The following ADH1B variants were observed in gnomAD, a reference collection of about 807,000 sequenced individuals.
ADH1B encodes the protein alcohol dehydrogenase 1B (class I), beta polypeptide, also known as all-trans-retinol dehydrogenase [NAD(+)] ADH1B.
ADH1B carries 29 observed loss-of-function variants against 34.6 expected under a neutral mutation model. The ratio of observed to expected loss-of-function variants is 0.84; its 90% CI spans 0.62 to 1.14. The LOEUF is 1.14. ADH1B is among the 50% of genes most tolerant of loss of function. The pLI, the probability that ADH1B is intolerant of heterozygous loss-of-function variation, is 0.00. For synonymous variants in ADH1B, 170 were observed against 175.5 expected, an observed-to-expected ratio of 0.97 and a Z score of 0.25; for missense variants, 424 against 468.4, an observed-to-expected ratio of 0.91 and a Z score of 0.87.
intron 4 of ADH1B, 36 bp downstream of exon 4, chr4:99,316,179 C>T: frequency 6.2e-7 from 1 of 1,614,036 alleles, no homozygotes; most frequent in Non-Finnish European, 8.5e-7. Context: ...AATGTGCAAA[C>T]TCAAAGTCTG....
intron 6 of ADH1B, among the ~76,000 whole-genome samples, chr4:99,312,060 G>GT (rs1375363041): frequency 6.6e-6 from 1 of 151,922 alleles, no homozygotes; most frequent in Non-Finnish European, 1.5e-5. Flanking sequence ...TTTAAACATT[G>GT]TTTTTTTACC....
intron 6 of ADH1B, among the ~76,000 whole-genome samples, chr4:99,312,934 C>T (rs1223830293): frequency 2.6e-5 from 4 of 152,052 alleles, no homozygotes; most frequent in African/African-American, 4.8e-5. Flanking sequence ...ATATCACATG[C>T]GTTGTCTCAT....
In ADH1B at chr4:99,316,010, A is replaced by G; in HGVS notation, c.455T>C (p.Val152Ala). ...TTTGGCCACTGCATTCTCATCCACC[A>G]CCGTGTACTGGGAGAAGGTGCTGGT... ...LGTSTFSQYTVVDENAVAKID... is the reference protein window; with the variant it reads ...LGTSTFSQYTAVDENAVAKID... Residue 152 changes from valine to alanine, a missense_variant, in exon 5 of 9, where the codon GTG becomes GCG. Around this residue, in one of 3 missense-constraint regions of ADH1B, gnomAD observed 291 missense variants for 300.4 expected, o/e 0.97. Transcript: ENST00000305046. The G allele has an allele frequency of 6.2e-7, 1 of 1,614,128 alleles. No individual in the cohort carries two copies. Among genetic ancestry groups the G allele is most frequent in the Non-Finnish European group, 8.5e-7 (1 of 1,180,022 alleles).
chr4:99,315,844 T>C (rs1733867135), intron 5 of ADH1B, 54 bp downstream of exon 5: 1 of 1,600,704 alleles, frequency 6.2e-7, no homozygotes, highest in South Asian at 1.1e-5. Context: ...TGCTTCCCTT[T>C]TGGTTTCCGA....
Position 99,307,563 on chromosome 4 carries a change from A to C in ADH1B, c.*277T>G. On this transcript the variant is annotated 3_prime_UTR_variant, in exon 9 of 9. Transcript: ENST00000305046. ...AGAAGTCACAGGAATATTTTTCCTCAATGGCAAAGGTGACACAGTAGAATG... is the reference window on the plus strand; with the variant it reads ...AGAAGTCACAGGAATATTTTTCCTCCATGGCAAAGGTGACACAGTAGAATG... 1 of 463,926 alleles carries C rather than the reference A, an allele frequency of 2.2e-6. No homozygotes were observed. The highest frequency in any genetic ancestry group is 3.9e-6 in the Non-Finnish European group (1 of 258,544). The allele number at this position is 463,926 out of a possible 1,614,324, so 28.7% of individuals were successfully genotyped here.
In ADH1B at chr4:99,310,853, T is replaced by A. The variant is rs1478192824; in HGVS notation, c.1015A>T (p.Lys339Ter). Residue 339 changes from lysine to a stop codon, truncating the protein, a stop_gained, in exon 8 of 9, where the codon AAG (lysine) becomes TAG (stop). Coordinates refer to ENST00000305046, the MANE Select transcript of ADH1B (RefSeq NM_000668.6). LOFTEE classifies it high-confidence loss of function. The part of the protein sequence containing the change: ...IPKLVADFMA[K>*]KFSLDALITH... ...ATTAACGCATCCAGTGAAAACTTCT[T>A]AGCCATAAAATCAGCCACAAGTTTT... 6.2e-7 allele frequency: 1 copy of A among 1,613,514 alleles called. No individual in the cohort carries two copies. Among genetic ancestry groups the A allele is most frequent in the Non-Finnish European group, 8.5e-7 (1 of 1,179,744 alleles).
In ADH1B at chr4:99,321,351, C is replaced by T. The variant is rs775150373; in HGVS notation, c.-20G>A. On this transcript the variant is annotated 5_prime_UTR_variant, in exon 1 of 9. Coordinates refer to ENST00000305046, the MANE Select transcript of ADH1B (RefSeq NM_000668.6). ...GCTCATGTCGTTTCTGTCTTCTCTGCCCACCAGCAGACTGTGAGTCTTTGT... is the reference window on the plus strand; with the variant it reads ...GCTCATGTCGTTTCTGTCTTCTCTGTCCACCAGCAGACTGTGAGTCTTTGT... The T allele has an allele frequency of 2.2e-5, 35 of 1,610,384 alleles. No homozygotes were observed. The South Asian group carries it at 3.3e-4, about 15-fold the overall frequency.
At position 99,309,181 on chromosome 4, in the gene ADH1B, A is replaced by AGG. The variant is rs1417546341; in HGVS notation, c.1104-1318_1104-1317insCC. Among the ~76,000 whole-genome samples, 277 of 152,206 alleles carry AGG rather than the reference A, an allele frequency of 1.8e-3. 2 individuals carry two copies. The highest frequency in any genetic ancestry group is 3.8e-3 in the Admixed American group (58 of 15,284). On this transcript the variant is annotated intron_variant, in intron 8 of 8. Transcript: ENST00000305046. ...ACTTTAGAATGTTTCTAAAGTTCTA[A>AGG]CAAGTAAACATATATGCATGTTTGA...
At position 99,315,914 on chromosome 4, in the gene ADH1B, G is replaced by A; in HGVS notation, c.551C>T (p.Ala184Val). The A allele has an allele frequency of 6.2e-7, 1 of 1,614,054 alleles. No individual in the cohort carries two copies. The highest frequency in any genetic ancestry group is 2.2e-5 in the East Asian group (1 of 44,898). Reference protein sequence around the residue: ...GCGFSTGYGSAVNVAKVTPGS... With the variant: ...GCGFSTGYGSVVNVAKVTPGS... ...CATTCTCACCTTGGCAACGTTAACT[G>A]CAGACCCATAACCAGTCGAGAATCC... is the stretch of plus-strand genomic sequence containing the variant. Residue 184 changes from alanine to valine, a missense_variant, in exon 5 of 9, where the codon GCA (alanine) becomes GTA (valine). Around this residue, in one of 3 missense-constraint regions of ADH1B, gnomAD observed 291 missense variants for 300.4 expected, o/e 0.97. Transcript: ENST00000305046.
chr4:99,310,668 C>T, intron 8 of ADH1B, 97 bp downstream of exon 8: 1 of 1,478,300 alleles, frequency 6.8e-7, no homozygotes, highest in Non-Finnish European at 9.0e-7. Flanking sequence ...AACCAAGGGA[C>T]TCTATATTTT....
chr4:99,309,137 A>G (rs1053523921), intron 8 of ADH1B, among the ~76,000 whole-genome samples: 1 of 152,070 alleles, frequency 6.6e-6, no homozygotes, highest in Non-Finnish European at 1.5e-5. Context: ...AATTTATGAA[A>G]TTATTTTCCT....
chr4:99,317,881 T>C (rs1733924577), intron 3 of ADH1B, 165 bp downstream of exon 3: 3 of 1,152,356 alleles, frequency 2.6e-6, no homozygotes, highest in Admixed American at 2.4e-5. Flanking sequence ...AATGCATACA[T>C]GCTTGGGTCA....
In ADH1B at chr4:99,307,036, T is replaced by C. The variant is rs934208949; in HGVS notation, c.*804A>G. 1.3e-5 allele frequency: 2 copies of C among 152,230 alleles called. No homozygotes were observed. The highest frequency in any genetic ancestry group is 4.8e-5 in the African/African-American group (2 of 41,460). 9.4% of individuals were successfully genotyped at this position (152,230 alleles called of 1,614,324 possible). On this transcript the variant is annotated 3_prime_UTR_variant, in exon 9 of 9. Transcript: ENST00000305046. ...CAGTCATCATCTAAATAATCATTTA[T>C]AGCCACAAACTAATACTGTTTAGTC...
chr4:99,310,730 A>T (rs1159459565), intron 8 of ADH1B, 35 bp downstream of exon 8: 2 of 1,594,654 alleles, frequency 1.3e-6, no homozygotes, highest in Non-Finnish European at 8.5e-7. Context: ...TATGGTAGAA[A>T]AAAAAGCAAA....
chr4:99,320,915 C>T (rs549932469), intron 1 of ADH1B: 598 of 1,269,122 alleles, frequency 4.7e-4, no homozygotes, highest in Non-Finnish European at 5.7e-4. Context: ...GACAACTTTC[C>T]TGTGTTCATA....
In ADH1B at chr4:99,310,858, A is replaced by AT; in HGVS notation, c.1009dup (p.Met337AsnfsTer3). The AT allele has an allele frequency of 6.2e-7, 1 of 1,613,598 alleles. No individual in the cohort carries two copies. The highest frequency in any genetic ancestry group is 8.5e-7 in the Non-Finnish European group (1 of 1,179,734). Reference sequence around the variant, plus strand: ...CGCATCCAGTGAAAACTTCTTAGCCATAAAATCAGCCACAAGTTTTGGGAT... The same window carrying AT: ...CGCATCCAGTGAAAACTTCTTAGCCATTAAAATCAGCCACAAGTTTTGGGAT... On this transcript the variant is annotated frameshift_variant, in exon 8 of 9. Coordinates refer to ENST00000305046, the MANE Select transcript of ADH1B (RefSeq NM_000668.6). LOFTEE classifies it high-confidence loss of function.
At chr4:99,320,850 G>A (rs764924151) in intron 1 of ADH1B, 1 of 1,254,582 alleles carries the variant, frequency 8.0e-7, no homozygotes, top group Non-Finnish European at 1.0e-6. Context: ...TTTATAGTAA[G>A]GTTAAAGGAT....
At chr4:99,313,542 A>T (rs980735115) in intron 6 of ADH1B, 1 of 425,624 alleles carries the variant, frequency 2.3e-6, no homozygotes, top group Non-Finnish European at 4.1e-6. Context: ...TATATTTTTT[A>T]ACTAAAAATT....
rs79123784 is a variant in ADH1B, at chr4:99,310,905, T to A, written c.965-2A>T. 4 of 1,611,822 alleles carry A rather than the reference T, an allele frequency of 2.5e-6. No individual in the cohort carries two copies. Among genetic ancestry groups the A allele is most frequent in the Non-Finnish European group, 3.4e-6 (4 of 1,179,174 alleles). On this transcript the variant is annotated splice_acceptor_variant, in intron 7 of 8. Coordinates refer to ENST00000305046, the MANE Select transcript of ADH1B (RefSeq NM_000668.6). LOFTEE classifies it high-confidence loss of function. ...GGATACCTTCTTTACTCTTAAAGCC[T>A]GAAAAGAAGACAGTATCATTGTTGG...
Sources: gnomAD v4.1 joint callset for allele counts (sites outside exome capture counted in the v4.1 genomes callset) on GRCh38, gnomAD v4.1.1 for gene constraint, gnomAD v4.1.1 regional missense constraint, MANE v1.5 for transcripts, NCBI Gene and HGNC (gene_info 2026-07-23, HGNC 2026-07-21) for gene names.